The following CEP57 variants were observed in gnomAD, a reference collection of about 807,000 sequenced individuals.
CEP57 encodes the protein centrosomal protein 57.
In CEP57, 40 loss-of-function variants were observed where a neutral mutation model predicts 68.0. The ratio of observed to expected loss-of-function variants is 0.59; its 90% CI spans 0.46 to 0.77. The LOEUF (loss-of-function observed/expected upper bound fraction) is 0.77. CEP57 is among the 30% of genes least tolerant of loss of function. The pLI is 0.00. For synonymous variants in CEP57, 219 were observed against 198.7 expected (o/e 1.10, Z -0.86); for missense variants, 606 against 580.7 (o/e 1.04, Z -0.45).
intron 4 of CEP57, among the ~76,000 whole-genome samples, chr11:95,814,151 C>T (rs1285704040): frequency 1.3e-5 from 2 of 152,198 alleles, no homozygotes; most frequent in African/African-American, 4.8e-5. Context: ...CTCCTAGGCT[C>T]AGGTGATTCT....
rs1302475137 is a variant in CEP57 at position 95,831,214 on chromosome 11, A to G, written c.1461A>G (p.Ile487Met). The G allele has an allele frequency of 6.2e-7, 1 of 1,613,602 alleles. No homozygotes were observed. The highest frequency in any genetic ancestry group is 1.1e-5 in the South Asian group (1 of 91,056). Reference protein sequence around the residue: ...NLQLLKDMQSIQNSLQSSSLC... With the variant: ...NLQLLKDMQSMQNSLQSSSLC... ...AGTTATTGAAGGACATGCAAAGCATACAGAATTCATTACAAAGCAGTAGTT... is the reference window on the plus strand; with the variant it reads ...AGTTATTGAAGGACATGCAAAGCATGCAGAATTCATTACAAAGCAGTAGTT... The change falls in exon 11 of 11, where the codon ATA (isoleucine) becomes ATG (methionine). Residue 487 changes from isoleucine to methionine, a missense_variant. Ile to Met is a conservative substitution (Grantham distance 10). Transcript: ENST00000325542.
intron 6 of CEP57, 60 bp from the exon 7 acceptor site, chr11:95,821,811 G>A: frequency 8.4e-7 from 1 of 1,192,268 alleles, no homozygotes; most frequent in Non-Finnish European, 1.2e-6. Flanking sequence ...TGACACATCT[G>A]AAATCTGAGT....
At chr11:95,799,492 C>T (rs1350929706) in intron 2 of CEP57, 104 bp downstream of exon 2, 4 of 1,369,396 alleles carry the variant, frequency 2.9e-6, no homozygotes, top group Non-Finnish European at 4.1e-6. Context: ...ATATATTTCC[C>T]CTTTGCTTCC....
intron 9 of CEP57, 79 bp downstream of exon 9, chr11:95,828,106 C>T: frequency 6.7e-7 from 1 of 1,488,996 alleles, no homozygotes; most frequent in Non-Finnish European, 9.1e-7. Flanking sequence ...TTTATTAAAT[C>T]TTACTTTCCT....
rs1295161828 is a variant in CEP57 at position 95,790,551 on chromosome 11, T to C, written c.-148T>C. ...GCCCTGAGGGGGTGTGTTGCAGGGG[T>C]TTCCAAGCCCAGCACCAGCACCCTT... On this transcript the variant is annotated 5_prime_UTR_variant, in exon 1 of 11. Transcript: ENST00000325542. 4.4e-6 allele frequency: 4 copies of C among 903,494 alleles called. No homozygotes were observed. Among genetic ancestry groups the C allele is most frequent in the Non-Finnish European group, 6.9e-6 (4 of 577,584 alleles). 56.0% of individuals were successfully genotyped at this position (903,494 alleles called of 1,614,324 possible). A position where few individuals can be genotyped will look rare whatever the true frequency, so the allele number is the denominator to read the frequency against.
intron 8 of CEP57, among the ~76,000 whole-genome samples, chr11:95,825,179 CT>C (rs1269020713): frequency 3.9e-5 from 6 of 152,120 alleles, no homozygotes; most frequent in African/African-American, 1.4e-4. Context: ...TGGAAGAGAA[CT>C]TCAGAGAGAA....
chr11:95,819,466 G>A (rs1235872579), intron 6 of CEP57, among the ~76,000 whole-genome samples: 1 of 152,284 alleles, frequency 6.6e-6, no homozygotes, highest in East Asian at 1.9e-4. Context: ...GAGTTTATAT[G>A]TACCAACCAG....
At chr11:95,801,012 A>G (rs111622805) in intron 2 of CEP57, among the ~76,000 whole-genome samples, 5,624 of 152,282 alleles carry the variant, frequency 0.037, 158 homozygotes, top group South Asian at 0.087. Context: ...GGTAAAAGAA[A>G]TATTTTTGAC....
In CEP57 at chr11:95,827,684, A is replaced by C. The variant is rs182190982; in HGVS notation, c.886-102A>C. On this transcript the variant is annotated intron_variant, in intron 8 of 10. Transcript: ENST00000325542. The stretch of plus-strand genomic sequence containing the variant: ...AATAATTTTAGGATTTATATACTCT[A>C]CTTTAGGGGGTGGAGAGTTCTTTTT... The C allele has an allele frequency of 6.1e-4, 799 of 1,303,690 alleles. 7 individuals are homozygous for C. In the African/African-American group the frequency reaches 9.7e-3, roughly 16 times the overall value. The allele number at this position is 1,303,690 out of a possible 1,614,324, so 80.8% of individuals were successfully genotyped here.
At chr11:95,809,742 C>T (rs1285129273) in intron 2 of CEP57, among the ~76,000 whole-genome samples, 1 of 152,120 alleles carries the variant, frequency 6.6e-6, no homozygotes, top group African/African-American at 2.4e-5. Context: ...CAGGACCAGA[C>T]GGATTCACAG....
chr11:95,816,882 G>A (rs949375646), intron 4 of CEP57, among the ~76,000 whole-genome samples: 2 of 151,852 alleles, frequency 1.3e-5, no homozygotes, highest in African/African-American at 4.8e-5. Context: ...GTGGTGGCAG[G>A]CGCCTATAAT....
intron 8 of CEP57, 49 bp downstream of exon 8, chr11:95,822,625 A>G (rs368401485): frequency 4.9e-6 from 7 of 1,441,680 alleles, no homozygotes; most frequent in Non-Finnish European, 6.8e-6. Context: ...TGATCCCTGA[A>G]TTAAGTCCCT....
At chr11:95,796,168 C>T (rs2135247538) in intron 1 of CEP57, among the ~76,000 whole-genome samples, 1 of 152,304 alleles carries the variant, frequency 6.6e-6, no homozygotes, top group East Asian at 1.9e-4. Flanking sequence ...AAGTAATATG[C>T]ATTTTTAAAT....
chr11:95,830,936 A>G, intron 10 of CEP57, 90 bp from the exon 11 acceptor site: 1 of 986,360 alleles, frequency 1.0e-6, no homozygotes, highest in Non-Finnish European at 1.6e-6. Flanking sequence ...GAGTTAACCA[A>G]AAAAAGGTAC....
intron 2 of CEP57, among the ~76,000 whole-genome samples, chr11:95,810,747 A>G (rs1862022447): frequency 1.3e-5 from 2 of 152,238 alleles, no homozygotes; most frequent in South Asian, 2.1e-4. Flanking sequence ...AGGAAGAATC[A>G]ATATCGTGGA....
At chr11:95,822,073 G>A in intron 7 of CEP57, 95 bp downstream of exon 7, 2 of 830,350 alleles carry the variant, frequency 2.4e-6, no homozygotes, top group South Asian at 1.5e-5. Context: ...ACAACCTTGA[G>A]AGAGTAAATC....
chr11:95,831,467 C>A lies in CEP57; in HGVS notation c.*211C>A. On this transcript the variant is annotated 3_prime_UTR_variant, in exon 11 of 11. Coordinates refer to ENST00000325542, the MANE Select transcript of CEP57 (RefSeq NM_014679.5). The stretch of plus-strand genomic sequence containing the variant: ...TGGAAACCAGGGGAGTTTTAAAGCC[C>A]GAGAAACCACACATAATCTTTTGTT... The A allele has an allele frequency of 2.2e-6, 1 of 460,828 alleles. No homozygotes were observed. Among genetic ancestry groups the A allele is most frequent in the East Asian group, 3.6e-5 (1 of 27,400 alleles). The allele number at this position is 460,828 out of a possible 1,614,324, so 28.5% of individuals were successfully genotyped here.
chr11:95,803,883 A>G (rs1459964517), intron 2 of CEP57, among the ~76,000 whole-genome samples: 1 of 152,106 alleles, frequency 6.6e-6, no homozygotes, highest in Non-Finnish European at 1.5e-5. Flanking sequence ...TCCCTTGTGG[A>G]TCAGTTAGCC....
chr11:95,827,857 A>G lies in CEP57; in HGVS notation c.957A>G (p.Lys319=). 1 of 1,614,098 alleles carries G rather than the reference A, an allele frequency of 6.2e-7. No homozygotes were observed. The highest frequency in any genetic ancestry group is 8.5e-7 in the Non-Finnish European group (1 of 1,180,010). The part of the protein sequence containing the change: ...LVLHLMKQHS[K]ALCNDRVINS... The stretch of plus-strand genomic sequence containing the variant: ...TGCATCTAATGAAGCAACACAGTAA[A>G]GCTTTGTGCAATGATCGAGTCATCA... Residue 319 remains lysine, a synonymous_variant, in exon 9 of 11, where the codon AAA becomes AAG. Transcript: ENST00000325542.
Sources: allele counts gnomAD v4.1 joint callset (sites outside exome capture counted in the v4.1 genomes callset), GRCh38; gene constraint gnomAD v4.1.1; transcripts MANE v1.5; gene names NCBI Gene and HGNC (gene_info 2026-07-23, HGNC 2026-07-21).